The following ANKRD50 variants were observed in gnomAD, a reference collection of about 807,000 sequenced individuals.
The protein encoded by ANKRD50 is ankyrin repeat domain-containing protein 50.
In ANKRD50, 40 loss-of-function variants were observed where a neutral mutation model predicts 112.0. The observed-to-expected ratio is 0.36, with a 90% CI of 0.28 to 0.46. The LOEUF (loss-of-function observed/expected upper bound fraction) is 0.46, where lower values mean the gene tolerates loss of function less well. Among genes scored for constraint, ANKRD50 ranks in the 20% least tolerant of loss-of-function variants. ANKRD50 has a pLI of 1.00. For missense variants in ANKRD50, 1,487 were observed against 1,701.7 expected, an observed-to-expected ratio of 0.87 and a Z score of 2.22; for synonymous variants, 613 against 619.1, an observed-to-expected ratio of 0.99 and a Z score of 0.15.
chr4:124,685,104 CTTG>C (rs774779621), intron 2 of ANKRD50, among the ~76,000 whole-genome samples: 4 of 152,136 alleles, frequency 2.6e-5, no homozygotes, highest in Non-Finnish European at 4.4e-5. Context: ...CTTAGATTAA[CTTG>C]TTGTGTTACT....
chr4:124,702,141 CAT>C (rs561287125), intron 2 of ANKRD50, among the ~76,000 whole-genome samples: 69 of 152,268 alleles, frequency 4.5e-4, no homozygotes, highest in African/African-American at 1.5e-3. Context: ...TATAGAAACA[CAT>C]GTTAGATGAG....
At position 124,670,952 on chromosome 4, in the gene ANKRD50, A is replaced by C; in HGVS notation, c.2325T>G (p.Asp775Glu). The change falls in exon 4 of 5, where the codon GAT becomes GAG. Residue 775 changes from aspartate to glutamate, a missense_variant. Physicochemically the swap from Asp to Glu is conservative, Grantham distance 45. Transcript: ENST00000504087. ...DLLLEGGADV[D>E]HTDNNGRTPL... is the part of the protein sequence containing the mutation. ...GTGTACGGCCATTGTTATCTGTGTG[A>C]TCTACATCTGCTCCCCCTTCTAGAA... The C allele has an allele frequency of 2.5e-6, 4 of 1,613,818 alleles. No homozygotes were observed. The highest frequency in any genetic ancestry group is 3.4e-6 in the Non-Finnish European group (4 of 1,179,854).
Position 124,678,925 on chromosome 4 carries a change from G to A in ANKRD50, c.513-20C>T. The A allele has an allele frequency of 6.6e-7, 1 of 1,521,490 alleles. No homozygotes were observed. The highest frequency in any genetic ancestry group is 9.1e-7 in the Non-Finnish European group (1 of 1,101,982). The allele number at this position is 1,521,490 out of a possible 1,614,324, so 94.2% of individuals were successfully genotyped here. A position where few individuals can be genotyped will look rare whatever the true frequency, so the allele number is the denominator to read the frequency against. The stretch of plus-strand genomic sequence containing the variant: ...ACACACCTGTAAAACACATACACAT[G>A]AGCATTTTGAATGTTAAGTGGCTAT... On this transcript the variant is annotated intron_variant, in intron 2 of 4. Coordinates refer to ENST00000504087, the MANE Select transcript of ANKRD50 (RefSeq NM_020337.3).
At position 124,670,870 on chromosome 4, in the gene ANKRD50, A is replaced by G; in HGVS notation, c.2407T>C (p.Trp803Arg). The G allele has an allele frequency of 6.2e-7, 1 of 1,613,814 alleles. No individual in the cohort carries two copies. Among genetic ancestry groups the G allele is most frequent in the Non-Finnish European group, 8.5e-7 (1 of 1,179,868 alleles). Residue 803 changes from tryptophan (W) to arginine (R), a missense_variant, in exon 4 of 5, where the codon TGG becomes CGG. Around this residue, in one of 2 missense-constraint regions of ANKRD50, gnomAD observed 1,046 missense variants for 1,269.5 expected, o/e 0.82. Coordinates refer to ENST00000504087, the MANE Select transcript of ANKRD50 (RefSeq NM_020337.3). The part of the protein sequence containing the change: ...HASVVNTLLF[W>R]GAAVDSIDSE... ...TCAATACTATCCACAGCTGCACCCC[A>G]AAACAAAAGTGTATTTACAACTGAT... is the stretch of plus-strand genomic sequence containing the variant.
intron 2 of ANKRD50, among the ~76,000 whole-genome samples, chr4:124,682,720 G>C (rs1347975056): frequency 6.7e-6 from 1 of 149,050 alleles, no homozygotes; most frequent in African/African-American, 2.5e-5. Flanking sequence ...ATTAGGGTTA[G>C]CATGGTACAT....
At chr4:124,672,653 G>A in intron 3 of ANKRD50, 119 bp from the exon 4 acceptor site, 1 of 707,208 alleles carries the variant, frequency 1.4e-6, no homozygotes, top group Non-Finnish European at 2.2e-6. Flanking sequence ...ATACTAATAA[G>A]CAGATCAATT....
intron 2 of ANKRD50, among the ~76,000 whole-genome samples, chr4:124,702,829 T>C (rs1272776106): frequency 1.3e-5 from 2 of 152,090 alleles, no homozygotes; most frequent in African/African-American, 4.8e-5. Context: ...CCCTAATACT[T>C]AGTACACATC....
At chr4:124,692,404 G>A (rs1232335439) in intron 2 of ANKRD50, among the ~76,000 whole-genome samples, 1 of 151,912 alleles carries the variant, frequency 6.6e-6, no homozygotes, top group African/African-American at 2.4e-5. Flanking sequence ...ATGGTTGGGG[G>A]GATATAATGC....
intron 2 of ANKRD50, among the ~76,000 whole-genome samples, chr4:124,692,902 G>A (rs1045611095): frequency 6.6e-5 from 10 of 152,108 alleles, no homozygotes; most frequent in Non-Finnish European, 1.5e-4. Context: ...GTAGAAGCAC[G>A]ATCTCTATGG....
chr4:124,678,771 G>T lies in ANKRD50; in HGVS notation c.647C>A (p.Ala216Glu), dbSNP rs577868759. 5 of 1,613,864 alleles carry T rather than the reference G, an allele frequency of 3.1e-6. No individual in the cohort carries two copies. The South Asian group carries it at 4.4e-5, about 14-fold the overall frequency. The change falls in exon 3 of 5, where the codon GCA becomes GAA. Residue 216 changes from alanine (A) to glutamate (E), a missense_variant. Ala to Glu is a moderately radical substitution (Grantham distance 107). Transcript: ENST00000504087. The stretch of plus-strand genomic sequence containing the variant: ...GAACTCATGGTGACCAGCTAAAAGT[G>T]CTGCAACAGTCCCAGATAAGCTGGT... ...TSTSLSGTVAALLAGHHEFFP... is the reference protein window; with the variant it reads ...TSTSLSGTVAELLAGHHEFFP...
chr4:124,691,116 T>C (rs959651094), intron 2 of ANKRD50, among the ~76,000 whole-genome samples: 5 of 152,178 alleles, frequency 3.3e-5, no homozygotes, highest in African/African-American at 1.2e-4. Flanking sequence ...GTTTGAATTG[T>C]AAATGGAGTG....
rs1239685058 is a variant in ANKRD50 at position 124,665,140 on chromosome 4, C to A, written c.*2378G>T. 2.0e-5 allele frequency: 3 copies of A among 151,742 alleles called. No homozygotes were observed. Among genetic ancestry groups the A allele is most frequent in the Non-Finnish European group, 4.4e-5 (3 of 67,770 alleles). The allele number at this position is 151,742 out of a possible 1,614,324, so 9.4% of individuals were successfully genotyped here. ...CATTTTCATTTATAGTATTAAATCC[C>A]CCACAGAAACAAATAAGCAAGGCAG... On this transcript the variant is annotated 3_prime_UTR_variant, in exon 5 of 5. Transcript: ENST00000504087.
intron 2 of ANKRD50, among the ~76,000 whole-genome samples, chr4:124,680,770 T>C (rs1423319836): frequency 6.6e-6 from 1 of 151,858 alleles, no homozygotes; most frequent in Non-Finnish European, 1.5e-5. Flanking sequence ...GTCAGGGAAA[T>C]TGGGAATTGA....
At chr4:124,705,943 A>G (rs922545158) in intron 2 of ANKRD50, among the ~76,000 whole-genome samples, 1 of 152,200 alleles carries the variant, frequency 6.6e-6, no homozygotes, top group African/African-American at 2.4e-5. Context: ...GAAATTAACA[A>G]TAGCATTGTA....
At chr4:124,687,640 A>G (rs1167064194) in intron 2 of ANKRD50, among the ~76,000 whole-genome samples, 3 of 152,232 alleles carry the variant, frequency 2.0e-5, no homozygotes, top group Non-Finnish European at 4.4e-5. Context: ...TAAGGCTCAT[A>G]TTAAGAATAC....
In ANKRD50 at chr4:124,664,674, G is replaced by A. The variant is rs1730447639; in HGVS notation, c.*2844C>T. 6.6e-6 allele frequency: 1 copy of A among 152,414 alleles called. No homozygotes were observed. Among genetic ancestry groups the A allele is most frequent in the Admixed American group, 6.6e-5 (1 of 15,230 alleles). 9.4% of individuals were successfully genotyped at this position (152,414 alleles called of 1,614,324 possible). A position where few individuals can be genotyped will look rare whatever the true frequency, so the allele number is the denominator to read the frequency against. ...TTTGCAACTACATTTGCTGAGAAGT[G>A]TAAATGGAGGACATTAAGCAAAACA... On this transcript the variant is annotated 3_prime_UTR_variant, in exon 5 of 5. Coordinates refer to ENST00000504087, the MANE Select transcript of ANKRD50 (RefSeq NM_020337.3).
At position 124,672,133 on chromosome 4, in the gene ANKRD50, A is replaced by T; in HGVS notation, c.1144T>A (p.Leu382Met). 1.2e-5 allele frequency: 19 copies of T among 1,613,862 alleles called. No individual in the cohort carries two copies. Among genetic ancestry groups the T allele is most frequent in the Non-Finnish European group, 1.4e-5 (17 of 1,179,838 alleles). ...AVWTKNMSLTLEDFQRKLDIL... is the reference protein window; with the variant it reads ...AVWTKNMSLTMEDFQRKLDIL... ...TCTAACTTGCGTTGAAAATCTTCCAAAGTTAACGACATGTTTTTGGTCCAT... is the reference window on the plus strand; with the variant it reads ...TCTAACTTGCGTTGAAAATCTTCCATAGTTAACGACATGTTTTTGGTCCAT... Residue 382 changes from leucine (L) to methionine (M), a missense_variant, in exon 4 of 5, where the codon TTG becomes ATG. Coordinates refer to ENST00000504087, the MANE Select transcript of ANKRD50 (RefSeq NM_020337.3).
At chr4:124,684,923 T>G (rs988762009) in intron 2 of ANKRD50, among the ~76,000 whole-genome samples, 2 of 152,172 alleles carry the variant, frequency 1.3e-5, no homozygotes, top group Non-Finnish European at 2.9e-5. Context: ...TTTCTAACAC[T>G]GAGCTTTTTT....
chr4:124,698,372 T>C (rs1184515123), intron 2 of ANKRD50, among the ~76,000 whole-genome samples: 1 of 151,818 alleles, frequency 6.6e-6, no homozygotes. Flanking sequence ...TGTGTATATA[T>C]ATGTTATTTA....
Sources: allele counts gnomAD v4.1 joint callset (sites outside exome capture counted in the v4.1 genomes callset), GRCh38; gene constraint gnomAD v4.1.1; regional missense constraint gnomAD v4.1.1; transcripts MANE v1.5; gene names NCBI Gene and HGNC (gene_info 2026-07-23, HGNC 2026-07-21).